Variants in GLIS3 observed in about 807,000 individuals in gnomAD.
The protein encoded by GLIS3 is GLIS family zinc finger 3.
A neutral mutation model predicts 78.6 loss-of-function variants in GLIS3; 53 were observed. The ratio of observed to expected loss-of-function variants is 0.67; its 90% CI spans 0.54 to 0.85. GLIS3 has a LOEUF of 0.85. Ranked by LOEUF, GLIS3 falls within the 40% of genes least tolerant of loss-of-function variation. GLIS3 has a pLI of 0.00. For missense variants in GLIS3, 1,703 were observed against 1,231.1 expected (o/e 1.38, Z -5.74); for synonymous variants, 684 against 509.9 (o/e 1.34, Z -4.60).
chr9:3,843,204 G>C (rs145281892), intron 9 of GLIS3, among the ~76,000 whole-genome samples: 1 of 152,104 alleles, frequency 6.6e-6, no homozygotes, highest in African/African-American at 2.4e-5. Context: ...TACTAACTAG[G>C]TGATTTTTTG....
chr9:4,388,932 A>G, the GLIS3 span, among the ~76,000 whole-genome samples: 1 of 152,160 alleles, frequency 6.6e-6, no homozygotes, highest in African/African-American at 2.4e-5. Context: ...AAGCTCTTAG[A>G]TTTTTCAAGA....
At chr9:4,203,170 G>A (rs747982002) in intron 2 of GLIS3, among the ~76,000 whole-genome samples, 1 of 152,168 alleles carries the variant, frequency 6.6e-6, no homozygotes, top group Non-Finnish European at 1.5e-5. Flanking sequence ...CACAAAACAT[G>A]AATAGACAGT....
chr9:4,286,747 G>A (rs997544197), intron 1 of GLIS3, among the ~76,000 whole-genome samples: 1 of 152,112 alleles, frequency 6.6e-6, no homozygotes, highest in Non-Finnish European at 1.5e-5. Context: ...TGTTTTGTTT[G>A]CCACTGAGCC....
chr9:3,974,203 T>C (rs1441832588), intron 4 of GLIS3, among the ~76,000 whole-genome samples: 2 of 152,130 alleles, frequency 1.3e-5, no homozygotes, highest in Non-Finnish European at 2.9e-5. Context: ...TTACATACAG[T>C]GGCAGGTCAA....
At chr9:4,132,771 C>T (rs1189412378) in intron 2 of GLIS3, among the ~76,000 whole-genome samples, 2 of 152,106 alleles carry the variant, frequency 1.3e-5, no homozygotes, top group Non-Finnish European at 1.5e-5. Context: ...AATGATCATA[C>T]GAGAGCAATT....
At chr9:4,328,105 C>T (rs1817629436) in intron 2 of GLIS3, among the ~76,000 whole-genome samples, 1 of 152,104 alleles carries the variant, frequency 6.6e-6, no homozygotes, top group Admixed American at 6.5e-5. Flanking sequence ...GTCACGTGGC[C>T]CACTGATGGA....
At position 3,946,974 on chromosome 9, in the gene GLIS3, G is replaced by A. The variant is rs574666989; in HGVS notation, c.1711-9785C>T. ...AACAGCAGGTCAAGCAGTTTCCCAC[G>A]ACGCCACGCCTCTGTCGGCCATCCT... On this transcript the variant is annotated intron_variant, in intron 4 of 10. Transcript: ENST00000381971. 5.6e-5 allele frequency among the ~76,000 whole-genome samples: 8 copies of A among 143,298 alleles called. No homozygotes were observed. In the South Asian group the frequency reaches 6.6e-4, roughly 12 times the overall value. The allele number at this position is 143,298 out of a possible 152,430, so 94.0% of individuals were successfully genotyped here.
chr9:4,105,810 A>G (rs1830706481), intron 4 of GLIS3, among the ~76,000 whole-genome samples: 1 of 152,138 alleles, frequency 6.6e-6, no homozygotes, highest in Non-Finnish European at 1.5e-5. Context: ...TGGGCACAGC[A>G]CAAAACCAGA....
intron 2 of GLIS3, among the ~76,000 whole-genome samples, chr9:4,133,825 TACACACAC>T (rs138728219): frequency 9.4e-4 from 114 of 121,798 alleles, no homozygotes; most frequent in Middle Eastern, 4.1e-3. Flanking sequence ...CAAGACCTTC[TACACACAC>T]ACACACACAC....
the GLIS3 span, among the ~76,000 whole-genome samples, chr9:4,479,904 C>CTTTTTTTTTTTTTTT: frequency 2.7e-4 from 29 of 108,724 alleles, no homozygotes; most frequent in Non-Finnish European, 3.7e-4. Flanking sequence ...ATTTCTTCTT[C>CTTTTTTTTTTTTTTT]TTTTTTTTTT....
intron 4 of GLIS3, among the ~76,000 whole-genome samples, chr9:3,982,342 G>A (rs1819370056): frequency 6.6e-6 from 1 of 151,980 alleles, no homozygotes; most frequent in South Asian, 2.1e-4. Flanking sequence ...TTGGCAGGAA[G>A]ACACCATCTC....
At chr9:4,187,872 C>T (rs1297876970) in intron 2 of GLIS3, among the ~76,000 whole-genome samples, 1 of 152,056 alleles carries the variant, frequency 6.6e-6, no homozygotes, top group African/African-American at 2.4e-5. Flanking sequence ...GCTGAAGTTG[C>T]TTATCAGCTT....
chr9:4,065,386 T>A (rs961519429), intron 4 of GLIS3, among the ~76,000 whole-genome samples: 2 of 152,256 alleles, frequency 1.3e-5, no homozygotes, highest in Non-Finnish European at 2.9e-5. Context: ...ACACACTGTA[T>A]AAAGACCTTC....
chr9:4,031,400 A>G (rs896254263), intron 4 of GLIS3, among the ~76,000 whole-genome samples: 5 of 152,224 alleles, frequency 3.3e-5, no homozygotes, highest in Admixed American at 3.3e-4. Flanking sequence ...GTCGTATAAT[A>G]TATGATTCCA....
intron 4 of GLIS3, among the ~76,000 whole-genome samples, chr9:4,012,865 T>C (rs551011721): frequency 6.8e-6 from 1 of 148,030 alleles, no homozygotes; most frequent in Non-Finnish European, 1.5e-5. Flanking sequence ...CTCAACCTTC[T>C]GGGTTCAAGT....
At chr9:3,868,121 GTTTA>G (rs1820724033) in intron 8 of GLIS3, among the ~76,000 whole-genome samples, 1 of 152,176 alleles carries the variant, frequency 6.6e-6, no homozygotes. Context: ...AATTGCCTGT[GTTTA>G]TTTGTTACCC....
chr9:4,196,672 G>A (rs752876343), intron 2 of GLIS3, among the ~76,000 whole-genome samples: 20 of 152,230 alleles, frequency 1.3e-4, no homozygotes, highest in Middle Eastern at 3.4e-3. Context: ...AAGAAACTCC[G>A]AACATGTCTG....
chr9:4,405,024 G>A, the GLIS3 span, among the ~76,000 whole-genome samples: 1 of 152,124 alleles, frequency 6.6e-6, no homozygotes, highest in African/African-American at 2.4e-5. Flanking sequence ...TAAAATCAGA[G>A]ATGAAAAAGG....
chr9:4,324,601 C>G (rs1587386429), intron 2 of GLIS3, among the ~76,000 whole-genome samples: 1 of 152,176 alleles, frequency 6.6e-6, no homozygotes, highest in Non-Finnish European at 1.5e-5. Context: ...AGTTTGGCAG[C>G]AGATTTAGAT....
Sources: allele counts gnomAD v4.1 joint callset (sites outside exome capture counted in the v4.1 genomes callset), GRCh38; gene constraint gnomAD v4.1.1; transcripts MANE v1.5; gene names NCBI Gene and HGNC (gene_info 2026-07-23, HGNC 2026-07-21).